The following SLC26A8 variants were observed in gnomAD, a reference collection of about 807,000 sequenced individuals.
SLC26A8 encodes solute carrier family 26 member 8, also known as testis anion transporter 1.
Under a neutral mutation model 105.0 loss-of-function variants are expected in SLC26A8, and 70 were observed. That is an observed-to-expected ratio of 0.67 (90% confidence interval 0.55 to 0.81). The LOEUF is 0.81. SLC26A8 is among the 40% of genes least tolerant of loss of function. SLC26A8 has a pLI of 0.00. For missense variants in SLC26A8, 998 were observed against 1,181.8 expected, an observed-to-expected ratio of 0.84 and a Z score of 2.28; for synonymous variants, 415 against 438.3, an observed-to-expected ratio of 0.95 and a Z score of 0.66.
intron 7 of SLC26A8, among the ~76,000 whole-genome samples, chr6:35,987,095 A>G: frequency 6.6e-6 from 1 of 152,222 alleles, no homozygotes; most frequent in East Asian, 1.9e-4. Context: ...ATTCAAAGGG[A>G]AAAGAATATG....
chr6:36,012,328 G>A lies in SLC26A8; in HGVS notation c.233C>T (p.Pro78Leu), dbSNP rs1217288652. Residue 78 changes from proline (P) to leucine (L), a missense_variant, in exon 3 of 20, where the codon CCC (proline) becomes CTC (leucine). By Grantham distance (98) the Pro-to-Leu change is moderately conservative. Coordinates refer to ENST00000490799, the MANE Select transcript of SLC26A8 (RefSeq NM_052961.4). Reference protein sequence around the residue: ...RFLRCVLTIFPFLEWMCMYRL... With the variant: ...RFLRCVLTIFLFLEWMCMYRL... ...ATACATACACATCCATTCTAGGAAG[G>A]GAAAGATTGTAAGCACGCATCGTAG... 6.2e-7 allele frequency: 1 copy of A among 1,606,868 alleles called. No homozygotes were observed. The highest frequency in any genetic ancestry group is 2.2e-5 in the East Asian group (1 of 44,512).
chr6:36,013,629 T>C (rs191107968), intron 2 of SLC26A8, among the ~76,000 whole-genome samples: 1 of 152,320 alleles, frequency 6.6e-6, no homozygotes, highest in African/African-American at 2.4e-5. Context: ...TTTTAGATCA[T>C]CTAAAACAAC....
chr6:35,951,196 T>C lies in SLC26A8; in HGVS notation c.2439A>G (p.Thr813=). ...TTTCTGAGTAGGTTTCCCGTATCAC[T>C]GTCTCGGATTCATCGATGCTTAACT... The part of the protein sequence containing the change: ...SSELSIDESE[T]VIRETYSETD... The change falls in exon 19 of 20, where the codon ACA becomes ACG. Residue 813 remains threonine (T), a synonymous_variant. Transcript: ENST00000490799. The C allele has an allele frequency of 6.3e-7, 1 of 1,586,250 alleles. No individual in the cohort carries two copies. The highest frequency in any genetic ancestry group is 8.6e-7 in the Non-Finnish European group (1 of 1,162,522).
chr6:36,023,233 T>C (rs1481677503), intron 1 of SLC26A8, among the ~76,000 whole-genome samples: 1 of 151,284 alleles, frequency 6.6e-6, no homozygotes, highest in East Asian at 2.0e-4. Context: ...ACATTATCTG[T>C]GTTCAGAGTG....
chr6:36,015,346 C>T (rs138174926), intron 2 of SLC26A8, among the ~76,000 whole-genome samples: 16,909 of 152,098 alleles, frequency 0.11, 996 homozygotes, highest in Middle Eastern at 0.15. Context: ...CTCCTGACCT[C>T]GTGATCTGCC....
At chr6:35,963,371 ATGCTG>A (rs1039895201) in intron 11 of SLC26A8, among the ~76,000 whole-genome samples, 11 of 152,170 alleles carry the variant, frequency 7.2e-5, no homozygotes, top group African/African-American at 2.7e-4. Context: ...CATCTCTGGA[ATGCTG>A]TGCTGAAACT....
intron 2 of SLC26A8, among the ~76,000 whole-genome samples, chr6:36,014,890 A>G (rs574076195): frequency 6.6e-6 from 1 of 151,774 alleles, no homozygotes; most frequent in East Asian, 1.9e-4. Flanking sequence ...GAAAAAAGAG[A>G]AAAAAAACCT....
At chr6:36,008,478 CAAT>C (rs1761755816) in intron 3 of SLC26A8, among the ~76,000 whole-genome samples, 1 of 152,104 alleles carries the variant, frequency 6.6e-6, no homozygotes, top group South Asian at 2.1e-4. Context: ...CAAATTAAAA[CAAT>C]GATGAGATAC....
At chr6:35,946,515 C>T (rs887627721) in intron 19 of SLC26A8, among the ~76,000 whole-genome samples, 2 of 152,140 alleles carry the variant, frequency 1.3e-5, no homozygotes, top group South Asian at 2.1e-4. Context: ...GGATTACAGG[C>T]GTGAGGCCAC....
rs2127349407 is a variant in SLC26A8, at chr6:35,992,555, A to G, written c.747T>C (p.Phe249=). The change falls in exon 6 of 20, where the codon TTT becomes TTC. Residue 249 remains phenylalanine, a synonymous_variant. Coordinates refer to ENST00000490799, the MANE Select transcript of SLC26A8 (RefSeq NM_052961.4). ...HIMLSQLTFI[F]GIMISFHAGP... ...CGGCATGGAAACTAATCATAATCCC[A>G]AAGATGAAAGTCAGCTGGGACAGCA... The G allele has an allele frequency of 6.2e-7, 1 of 1,614,090 alleles. No homozygotes were observed. The highest frequency in any genetic ancestry group is 2.2e-5 in the East Asian group (1 of 44,880).
chr6:35,987,848 C>T (rs902345338), intron 7 of SLC26A8, among the ~76,000 whole-genome samples: 1 of 151,676 alleles, frequency 6.6e-6, no homozygotes, highest in Non-Finnish European at 1.5e-5. Context: ...ATCTTTGCCA[C>T]AGACCACCAC....
chr6:35,951,855 C>T lies in SLC26A8; in HGVS notation c.2233-356G>A, dbSNP rs190811390. Among the ~76,000 whole-genome samples, 134 of 152,332 alleles carry T rather than the reference C, an allele frequency of 8.8e-4. 2 individuals carry two copies. The highest frequency in any genetic ancestry group is 3.0e-3 in the African/African-American group (126 of 41,574). On this transcript the variant is annotated intron_variant, in intron 17 of 19. Transcript: ENST00000490799. ...CGTCCCAAAATGCTGGGATTACAGG[C>T]GTGGGCCACTGCACCCAGCCAATTA...
chr6:35,998,211 G>C (rs1761411956), intron 4 of SLC26A8, among the ~76,000 whole-genome samples: 1 of 152,176 alleles, frequency 6.6e-6, no homozygotes, highest in Admixed American at 6.5e-5. Context: ...CTCAGCTGCT[G>C]TGTCTGCTCT....
intron 10 of SLC26A8, among the ~76,000 whole-genome samples, chr6:35,974,309 CTG>C (rs1772912436): frequency 6.6e-6 from 1 of 152,170 alleles, no homozygotes; most frequent in South Asian, 2.1e-4. Context: ...CAGAGCAAGA[CTG>C]TGTCTCAAAA....
chr6:35,979,007 A>ATT lies in SLC26A8; in HGVS notation c.1026-1658_1026-1657dup, dbSNP rs34335766. ...AGATACATGCAACCACACCTGGCTA[A>ATT]TTTTTTTTTTTTTTTTTTTTTTTTT... On this transcript the variant is annotated intron_variant, in intron 8 of 19. Transcript: ENST00000490799. Among the ~76,000 whole-genome samples, 89 of 98,340 alleles carry ATT rather than the reference A, an allele frequency of 9.1e-4. 2 individuals are homozygous for ATT. The highest frequency in any genetic ancestry group is 1.0e-3 in the Non-Finnish European group (49 of 48,784). The allele number at this position is 98,340 out of a possible 152,430, so 64.5% of individuals were successfully genotyped here.
chr6:35,984,110 A>C (rs2127336304), intron 7 of SLC26A8, among the ~76,000 whole-genome samples: 1 of 152,256 alleles, frequency 6.6e-6, no homozygotes, highest in Non-Finnish European at 1.5e-5. Flanking sequence ...GTGTATAGGT[A>C]GTGTGTTGCA....
chr6:36,000,177 GA>G, intron 3 of SLC26A8, 69 bp from the exon 4 acceptor site: 1 of 1,006,466 alleles, frequency 9.9e-7, no homozygotes, highest in East Asian at 2.4e-5. Context: ...AAACTGTAAA[GA>G]ATATTTAAAA....
intron 1 of SLC26A8, among the ~76,000 whole-genome samples, chr6:36,023,162 TATCCATCC>T (rs68186703): frequency 3.8e-4 from 55 of 143,090 alleles, no homozygotes; most frequent in South Asian, 1.2e-3. Context: ...ATAGTACCCT[TATCCATCC>T]ATCCATCCAT....
intron 1 of SLC26A8, 53 bp downstream of exon 1, chr6:36,024,451 C>T (rs530193539): frequency 2.0e-5 from 9 of 449,994 alleles, no homozygotes; most frequent in South Asian, 1.4e-4. Context: ...ACGCAGCCCC[C>T]GCCCTGGGAC....
Sources: gnomAD v4.1 joint callset for allele counts (sites outside exome capture counted in the v4.1 genomes callset) on GRCh38, gnomAD v4.1.1 for gene constraint, MANE v1.5 for transcripts, NCBI Gene and HGNC (gene_info 2026-07-23, HGNC 2026-07-21) for gene names.